Variants in RP2 observed in about 807,000 individuals in gnomAD.
The protein encoded by RP2 is RP2 activator of ARL3 GTPase, also known as protein XRP2.
RP2 carries 3 observed loss-of-function variants against 20.3 expected under a neutral mutation model. The ratio of observed to expected loss-of-function variants is 0.15; its 90% CI spans 0.07 to 0.38. The LOEUF is 0.38. Ranked by LOEUF, RP2 falls within the 10% of genes least tolerant of loss-of-function variation. The pLI, the probability that RP2 is intolerant of heterozygous loss-of-function variation, is 1.00. For missense variants in RP2, 233 were observed against 268.5 expected (o/e 0.87, Z 0.92); for synonymous variants, 75 against 94.8 (o/e 0.79, Z 1.22).
At chrX:46,858,465 T>C (rs1925005757) in intron 2 of RP2, among the ~76,000 whole-genome samples, 1 of 110,751 alleles carries the variant, frequency 9.0e-6, no homozygotes, top group South Asian at 3.7e-4. Context: ...GTGGTTGGAA[T>C]ATGACTACAT....
At chrX:46,847,798 G>GTA (rs782285099) in intron 1 of RP2, among the ~76,000 whole-genome samples, 18 of 77,267 alleles carry the variant, frequency 2.3e-4, no homozygotes, top group Admixed American at 8.0e-4. Context: ...ATGTGTGTGT[G>GTA]TATATATATA....
At chrX:46,851,386 C>T (rs12399356) in intron 1 of RP2, among the ~76,000 whole-genome samples, 28,159 of 109,968 alleles carry the variant, frequency 0.26, 3,609 homozygotes, top group African/African-American at 0.48. Flanking sequence ...CCTGTAATCC[C>T]AGCACTTTGG....
At chrX:46,869,300 CTTT>C (rs200572647) in intron 3 of RP2, among the ~76,000 whole-genome samples, 2 of 97,934 alleles carry the variant, frequency 2.0e-5, no homozygotes, top group Admixed American at 1.1e-4. Context: ...TGTAGTTTTT[CTTT>C]TTTTTTTTTT....
At chrX:46,863,482 G>A (rs1450125815) in intron 3 of RP2, among the ~76,000 whole-genome samples, 1 of 112,201 alleles carries the variant, frequency 8.9e-6, no homozygotes, top group Non-Finnish European at 1.9e-5. Context: ...GATTCCTGTG[G>A]AATACTGAGT....
At chrX:46,847,788 A>ATATGTGTGTGTGTATATACACACG (rs1491500763) in intron 1 of RP2, among the ~76,000 whole-genome samples, 2 of 58,656 alleles carry the variant, frequency 3.4e-5, no homozygotes, top group East Asian at 7.3e-4. Context: ...ACATACACAC[A>ATATGTGTGTGTGTATATACACACG]TGTGTGTGTG....
chrX:46,879,062 T>TAAAAAAAAAA (rs35579507), intron 4 of RP2, among the ~76,000 whole-genome samples: 1 of 33,047 alleles, frequency 3.0e-5, no homozygotes, highest in Non-Finnish European at 4.5e-5. Flanking sequence ...CTACAAAAAG[T>TAAAAAAAAAA]AAAAAAAAAA....
chrX:46,852,748 A>G (rs1924884697), intron 1 of RP2, among the ~76,000 whole-genome samples: 1 of 109,889 alleles, frequency 9.1e-6, no homozygotes, highest in Non-Finnish European at 1.9e-5. Flanking sequence ...ACGCCTGGGT[A>G]ATTTTTGTAT....
At chrX:46,847,779 C>CACACATGTGTGTGTGTGTATATAT (rs1569531400) in intron 1 of RP2, among the ~76,000 whole-genome samples, 2 of 81,980 alleles carry the variant, frequency 2.4e-5, no homozygotes, top group African/African-American at 9.8e-5. Context: ...TGTGTGTGTA[C>CACACATGTGTGTGTGTGTATATAT]ATACACACAT....
intron 1 of RP2, among the ~76,000 whole-genome samples, chrX:46,851,025 T>C (rs898756087): frequency 1.1e-4 from 12 of 112,012 alleles, no homozygotes; most frequent in African/African-American, 3.9e-4. Context: ...CAGACCAGTG[T>C]TCCTCCTAGT....
intron 1 of RP2, among the ~76,000 whole-genome samples, chrX:46,849,293 C>G (rs1556317741): frequency 9.1e-6 from 1 of 110,146 alleles, no homozygotes; most frequent in African/African-American, 3.3e-5. Context: ...CAGGCACAAG[C>G]AGTCCTCCTG....
chrX:46,849,334 G>A (rs1235995706), intron 1 of RP2, among the ~76,000 whole-genome samples: 1 of 110,143 alleles, frequency 9.1e-6, no homozygotes. Context: ...AGGACTACAG[G>A]CGCACACCAC....
At chrX:46,847,743 T>C (rs868946606) in intron 1 of RP2, among the ~76,000 whole-genome samples, 22 of 87,111 alleles carry the variant, frequency 2.5e-4, no homozygotes, top group East Asian at 1.8e-3. Flanking sequence ...TATACACACA[T>C]ATGTGTGTGT....
chrX:46,849,011 CAG>C (rs1924810901), intron 1 of RP2, among the ~76,000 whole-genome samples: 2 of 108,095 alleles, frequency 1.9e-5, no homozygotes, highest in South Asian at 8.2e-4. Context: ...ACCTGGGCAA[CAG>C]AGTGAGACCC....
chrX:46,877,395 CT>C, intron 3 of RP2, 109 bp from the exon 4 acceptor site: 1 of 573,232 alleles, frequency 1.7e-6, no homozygotes, highest in Non-Finnish European at 3.0e-6. Context: ...TCTTCCTTCT[CT>C]TTCACCCTCA....
chrX:46,862,389 G>A (rs1280980835), intron 3 of RP2, among the ~76,000 whole-genome samples: 33 of 87,810 alleles, frequency 3.8e-4, no homozygotes, highest in Admixed American at 5.3e-4. Context: ...GGCCGGGTGT[G>A]GTGGCTCACG....
intron 1 of RP2, among the ~76,000 whole-genome samples, chrX:46,843,768 G>A (rs968845142): frequency 9.0e-6 from 1 of 111,241 alleles, no homozygotes; most frequent in Non-Finnish European, 1.9e-5. Flanking sequence ...TCAGTTTCTC[G>A]AATCATCAAT....
At chrX:46,838,678 A>G (rs1188031450) in intron 1 of RP2, among the ~76,000 whole-genome samples, 1 of 112,662 alleles carries the variant, frequency 8.9e-6, no homozygotes, top group Non-Finnish European at 1.9e-5. Context: ...ATTGTTTTAC[A>G]GTTAATGTTT....
At chrX:46,851,198 T>C (rs1003729871) in intron 1 of RP2, among the ~76,000 whole-genome samples, 3 of 111,997 alleles carry the variant, frequency 2.7e-5, no homozygotes, top group African/African-American at 9.7e-5. Flanking sequence ...TTGCATGAAG[T>C]TTATATAGTC....
intron 3 of RP2, among the ~76,000 whole-genome samples, chrX:46,875,044 A>T (rs1925351552): frequency 9.1e-6 from 1 of 110,109 alleles, no homozygotes; most frequent in Non-Finnish European, 1.9e-5. Flanking sequence ...TTATTTTTTA[A>T]TTTTTTTTGG....
Sources: allele counts gnomAD v4.1 joint callset (sites outside exome capture counted in the v4.1 genomes callset), GRCh38; gene constraint gnomAD v4.1.1; transcripts MANE v1.5; gene names NCBI Gene and HGNC (gene_info 2026-07-23, HGNC 2026-07-21).